The following STK32B variants were observed in gnomAD, a reference collection of about 807,000 sequenced individuals.
STK32B encodes serine/threonine kinase 32B.
A neutral mutation model predicts 52.6 loss-of-function variants in STK32B; 43 were observed. That is an observed-to-expected ratio of 0.82 (90% CI 0.64 to 1.05). STK32B has a LOEUF of 1.05. Among genes scored for constraint, STK32B ranks in the 50% least tolerant of loss-of-function variants. The pLI is 0.00. For synonymous variants in STK32B, 238 were observed against 204.3 expected (o/e 1.17, Z -1.41); for missense variants, 621 against 534.6 (o/e 1.16, Z -1.59).
chr4:5,478,983 G>T (rs574137207), intron 11 of STK32B, among the ~76,000 whole-genome samples: 4 of 152,204 alleles, frequency 2.6e-5, no homozygotes, highest in Non-Finnish European at 5.9e-5. Flanking sequence ...GCTCCTCCAA[G>T]TCAGACTCCC....
intron 6 of STK32B, among the ~76,000 whole-genome samples, chr4:5,437,686 A>G (rs2109102021): frequency 6.6e-6 from 1 of 152,310 alleles, no homozygotes; most frequent in Admixed American, 6.5e-5. Flanking sequence ...CATCAGAAAA[A>G]TGAAGATCAT....
At chr4:5,377,769 G>A (rs1735676479) in intron 4 of STK32B, among the ~76,000 whole-genome samples, 3 of 152,106 alleles carry the variant, frequency 2.0e-5, no homozygotes, top group African/African-American at 7.2e-5. Context: ...TCTCTTGCCA[G>A]CCACCATGTA....
At chr4:5,131,493 TTTGAAAAAC>T (rs1282050700) in intron 1 of STK32B, among the ~76,000 whole-genome samples, 2 of 152,212 alleles carry the variant, frequency 1.3e-5, no homozygotes, top group East Asian at 3.8e-4. Flanking sequence ...TCTCATCATG[TTTGAAAAAC>T]TTCCTAGAGC....
chr4:5,083,111 G>C (rs757788148), intron 1 of STK32B, among the ~76,000 whole-genome samples: 2 of 152,118 alleles, frequency 1.3e-5, no homozygotes, highest in African/African-American at 2.4e-5. Context: ...CTGTCTTTCA[G>C]ATAATTTTCT....
chr4:5,271,654 T>C (rs1219492279), intron 3 of STK32B, among the ~76,000 whole-genome samples: 2 of 148,066 alleles, frequency 1.4e-5, no homozygotes, highest in East Asian at 4.0e-4. Context: ...TGTTCTTCCA[T>C]TTGTTTGTAT....
chr4:5,426,859 G>A (rs559733391), intron 6 of STK32B: 93 of 152,014 alleles, frequency 6.1e-4, no homozygotes, highest in African/African-American at 2.1e-3. Context: ...TCTTAAAAGA[G>A]TCTTCTTAAA....
chr4:5,093,301 G>A (rs892450035), intron 1 of STK32B, among the ~76,000 whole-genome samples: 4 of 152,154 alleles, frequency 2.6e-5, no homozygotes, highest in African/African-American at 9.7e-5. Flanking sequence ...GCCATTTGAA[G>A]TCAAAAGAAA....
At chr4:5,255,910 A>G (rs1726263173) in intron 3 of STK32B, among the ~76,000 whole-genome samples, 1 of 152,210 alleles carries the variant, frequency 6.6e-6, no homozygotes, top group African/African-American at 2.4e-5. Context: ...GAACATACGC[A>G]TGCATGTCCC....
chr4:5,033,449 A>C, the STK32B span, among the ~76,000 whole-genome samples: 1 of 152,218 alleles, frequency 6.6e-6, no homozygotes, highest in South Asian at 2.1e-4. Context: ...CACACACCCC[A>C]GGGCAGGAAG....
chr4:5,158,868 C>T (rs1718082110), intron 2 of STK32B, among the ~76,000 whole-genome samples: 1 of 152,188 alleles, frequency 6.6e-6, no homozygotes, highest in Non-Finnish European at 1.5e-5. Context: ...TTTAAAGCCT[C>T]CATGTCCAAA....
the STK32B span, among the ~76,000 whole-genome samples, chr4:5,035,838 G>A: frequency 6.7e-6 from 1 of 149,986 alleles, no homozygotes; most frequent in African/African-American, 2.5e-5. Flanking sequence ...CTGGAGTGCA[G>A]TGGCGCGATC....
Position 5,396,494 on chromosome 4 carries a change from T to C in STK32B, c.435-1713T>C, listed in dbSNP as rs1371769583. ...TGAAGTTCTGGGTGGACATGAATTTTGAAGGGACACCATTCAACCCAGTAC... is the reference window on the plus strand; with the variant it reads ...TGAAGTTCTGGGTGGACATGAATTTCGAAGGGACACCATTCAACCCAGTAC... On this transcript the variant is annotated intron_variant, in intron 4 of 11. Transcript: ENST00000282908. This position sits in a 1 kb window ranked among gnomAD's most constrained non-coding sequence, Gnocchi z 4.7. Among the ~76,000 whole-genome samples, 8 of 152,210 alleles carry C rather than the reference T, an allele frequency of 5.3e-5. No individual in the cohort carries two copies. The East Asian group carries it at 1.5e-3, about 29-fold the overall frequency.
At chr4:5,122,320 A>C (rs1230088103) in intron 1 of STK32B, among the ~76,000 whole-genome samples, 1 of 149,534 alleles carries the variant, frequency 6.7e-6, no homozygotes, top group Non-Finnish European at 1.5e-5. Flanking sequence ...TCATTAATTC[A>C]GTCACCCATT....
At chr4:5,033,951 C>G in the STK32B span, among the ~76,000 whole-genome samples, 1 of 152,134 alleles carries the variant, frequency 6.6e-6, no homozygotes, top group Non-Finnish European at 1.5e-5. Flanking sequence ...CACAAACTTT[C>G]AAAAGGTGTT....
chr4:5,285,702 A>T (rs1457430935), intron 3 of STK32B, among the ~76,000 whole-genome samples: 1 of 152,224 alleles, frequency 6.6e-6, no homozygotes, highest in Non-Finnish European at 1.5e-5. Context: ...AGAGATTTTT[A>T]ACTCACCTCC....
chr4:5,257,904 C>T (rs971056419), intron 3 of STK32B, among the ~76,000 whole-genome samples: 1 of 152,162 alleles, frequency 6.6e-6, no homozygotes, highest in African/African-American at 2.4e-5. Context: ...GATCGTGCCA[C>T]TGCACTCCAG....
At chr4:5,267,523 G>A (rs1727131486) in intron 3 of STK32B, among the ~76,000 whole-genome samples, 1 of 152,120 alleles carries the variant, frequency 6.6e-6, no homozygotes, top group Non-Finnish European at 1.5e-5. Flanking sequence ...GAAGATGAGA[G>A]CATTCTCACA....
chr4:5,272,712 A>G (rs1174314412), intron 3 of STK32B, among the ~76,000 whole-genome samples: 1 of 151,254 alleles, frequency 6.6e-6, no homozygotes, highest in South Asian at 2.1e-4. Flanking sequence ...CTGATCTTTG[A>G]CAAACCTGAG....
At position 5,317,202 on chromosome 4, in the gene STK32B, T is replaced by TATATATAACATATATATTA. The variant is rs545701971; in HGVS notation, c.261-14018_261-14017insATATATAACATATATATTA. ...AATATATATATATAACATATATATA[T>TATATATAACATATATATTA]TATATATATAACATATATATATTAT... On this transcript the variant is annotated intron_variant, in intron 3 of 11. Transcript: ENST00000282908. 4.4e-5 allele frequency among the ~76,000 whole-genome samples: 2 copies of TATATATAACATATATATTA among 45,186 alleles called. 1 individual carries two copies. The highest frequency in any genetic ancestry group is 3.4e-4 in the African/African-American group (2 of 5,862). The allele number at this position is 45,186 out of a possible 152,430, so 29.6% of individuals were successfully genotyped here.
Sources: allele counts gnomAD v4.1 joint callset (sites outside exome capture counted in the v4.1 genomes callset), GRCh38; gene constraint gnomAD v4.1.1; non-coding constraint Gnocchi (gnomAD v3.1); transcripts MANE v1.5; gene names NCBI Gene and HGNC (gene_info 2026-07-23, HGNC 2026-07-21).